The following SASS6 variants were observed in gnomAD, a reference collection of about 807,000 sequenced individuals.
The protein encoded by SASS6 is SAS-6 centriolar assembly protein, also known as spindle assembly abnormal protein 6 homolog.
Under a neutral mutation model 94.9 loss-of-function variants are expected in SASS6, and 59 were observed. The ratio of observed to expected loss-of-function variants is 0.62; its 90% CI spans 0.50 to 0.77. SASS6 has a LOEUF of 0.77. Among genes scored for constraint, SASS6 ranks in the 30% least tolerant of loss-of-function variants. The pLI, the probability that SASS6 is intolerant of heterozygous loss-of-function variation, is 0.00. For synonymous variants in SASS6, 264 were observed against 270.0 expected (o/e 0.98, Z 0.22); for missense variants, 698 against 734.1 (o/e 0.95, Z 0.57).
chr1:100,121,478 G>A lies in SASS6; in HGVS notation c.383C>T (p.Thr128Ile), dbSNP rs1654188538. 2 of 1,596,804 alleles carry A rather than the reference G, an allele frequency of 1.3e-6. No individual in the cohort carries two copies. The highest frequency in any genetic ancestry group is 1.7e-6 in the Non-Finnish European group (2 of 1,167,160). ...GTGTGTAAGATGCTTAAAAGGATTT[G>A]TCTCTACCACATTTAAAAATGCAGG... The part of the protein sequence containing the change: ...NSPAFLNVVE[T>I]NPFKHLTHLS... The change falls in exon 5 of 17, where the codon ACA becomes ATA. Residue 128 changes from threonine (T) to isoleucine (I), a missense_variant. Transcript: ENST00000287482.
chr1:100,095,649 T>C (rs1011923211), intron 14 of SASS6, among the ~76,000 whole-genome samples: 7 of 152,214 alleles, frequency 4.6e-5, no homozygotes, highest in African/African-American at 7.2e-5. Flanking sequence ...TCAGATGACA[T>C]AACTGTCTAT....
At chr1:100,121,326 A>G in intron 5 of SASS6, 52 bp downstream of exon 5, 1 of 1,072,132 alleles carries the variant, frequency 9.3e-7, no homozygotes, top group South Asian at 1.6e-5. Context: ...TAATTTATCA[A>G]AGACCATTGA....
intron 14 of SASS6, among the ~76,000 whole-genome samples, chr1:100,093,068 A>G (rs1024331163): frequency 4.6e-5 from 7 of 152,166 alleles, no homozygotes; most frequent in Non-Finnish European, 1.0e-4. Flanking sequence ...CACACTACGA[A>G]AAGTATGTAT....
intron 14 of SASS6, among the ~76,000 whole-genome samples, chr1:100,102,724 T>TAAAC (rs1652595180): frequency 1.3e-5 from 2 of 151,528 alleles, no homozygotes; most frequent in Admixed American, 6.6e-5. Context: ...AAGTGAGGTT[T>TAAAC]AAACAGACTG....
At position 100,121,466 on chromosome 1, in the gene SASS6, T is replaced by G; in HGVS notation, c.395A>C (p.Lys132Thr). The stretch of plus-strand genomic sequence containing the variant: ...TTTTAGTGAGAGGTGTGTAAGATGC[T>G]TAAAAGGATTTGTCTCTACCACATT... ...FLNVVETNPF[K>T]HLTHLSLKLL... Residue 132 changes from lysine to threonine, a missense_variant, in exon 5 of 17, where the codon AAG (lysine) becomes ACG (threonine). By Grantham distance (78) the Lys-to-Thr change is moderately conservative (BLOSUM62 -1). Coordinates refer to ENST00000287482, the MANE Select transcript of SASS6 (RefSeq NM_194292.3). 1 of 1,598,306 alleles carries G rather than the reference T, an allele frequency of 6.3e-7. No homozygotes were observed. Among genetic ancestry groups the G allele is most frequent in the Non-Finnish European group, 8.6e-7 (1 of 1,168,242 alleles).
chr1:100,128,057 G>C (rs1229334632), intron 1 of SASS6, among the ~76,000 whole-genome samples: 3 of 151,482 alleles, frequency 2.0e-5, no homozygotes, highest in African/African-American at 7.3e-5. Flanking sequence ...TTATTTTTGA[G>C]ACAGAGTTTC....
Position 100,132,914 on chromosome 1 carries a change from G to T in SASS6, c.-100C>A. On this transcript the variant is annotated 5_prime_UTR_variant, in exon 1 of 17. Coordinates refer to ENST00000287482, the MANE Select transcript of SASS6 (RefSeq NM_194292.3). Reference sequence around the variant, plus strand: ...GGTCCTGATAAAGTTTGAGTTTGGCGCTCGGCTTCTGCGGAGGAGGCGGGG... The same window carrying T: ...GGTCCTGATAAAGTTTGAGTTTGGCTCTCGGCTTCTGCGGAGGAGGCGGGG... The T allele has an allele frequency of 8.2e-7, 1 of 1,216,220 alleles. No individual in the cohort carries two copies. The allele number at this position is 1,216,220 out of a possible 1,614,324, so 75.3% of individuals were successfully genotyped here.
chr1:100,125,393 G>A (rs187240030), intron 2 of SASS6, among the ~76,000 whole-genome samples: 2 of 151,532 alleles, frequency 1.3e-5, no homozygotes, highest in Admixed American at 1.3e-4. Flanking sequence ...AGAAATATAT[G>A]GTATAGGCCG....
chr1:100,089,825 A>T lies in SASS6; in HGVS notation c.1675-1589T>A, dbSNP rs148381601. ...TCTACATAAAGGAAAAAAGTGTGTA[A>T]ATAGTAATGTATGGGTTAACCAAGG... is the stretch of plus-strand genomic sequence containing the variant. On this transcript the variant is annotated intron_variant, in intron 14 of 16. Coordinates refer to ENST00000287482, the MANE Select transcript of SASS6 (RefSeq NM_194292.3). Among the ~76,000 whole-genome samples, 112 of 152,196 alleles carry T rather than the reference A, an allele frequency of 7.4e-4. 1 individual carries two copies. The highest frequency in any genetic ancestry group is 2.6e-3 in the African/African-American group (109 of 41,576).
At position 100,104,098 on chromosome 1, in the gene SASS6, T is replaced by C. The variant is rs561464310; in HGVS notation, c.1546-1015A>G. On this transcript the variant is annotated intron_variant, in intron 13 of 16. Transcript: ENST00000287482. ...TGGGAAATGGGGATAAATGTATGAC[T>C]GGGTATCTGAATAAATCCTATCTAA... is the stretch of plus-strand genomic sequence containing the variant. Among the ~76,000 whole-genome samples, 18 of 152,314 alleles carry C rather than the reference T, an allele frequency of 1.2e-4. No homozygotes were observed. The South Asian group carries it at 3.5e-3, about 30-fold the overall frequency.
intron 1 of SASS6, among the ~76,000 whole-genome samples, chr1:100,132,462 G>A (rs1014557711): frequency 6.6e-6 from 1 of 152,122 alleles, no homozygotes; most frequent in Non-Finnish European, 1.5e-5. Flanking sequence ...TGTCAAAAGG[G>A]AAGAGTAGGG....
At chr1:100,091,042 C>T (rs1353552923) in intron 14 of SASS6, among the ~76,000 whole-genome samples, 3 of 152,076 alleles carry the variant, frequency 2.0e-5, no homozygotes, top group Non-Finnish European at 2.9e-5. Context: ...TGGTGGCTCA[C>T]GCATGTGATC....
At chr1:100,099,951 A>G (rs1030335416) in intron 14 of SASS6, among the ~76,000 whole-genome samples, 2 of 152,164 alleles carry the variant, frequency 1.3e-5, no homozygotes, top group Non-Finnish European at 2.9e-5. Flanking sequence ...CTCCTTGATG[A>G]AAGTTTGACC....
In SASS6 at chr1:100,083,690, G is replaced by C. The variant is rs1336049725; in HGVS notation, c.*1638C>G. 1 of 151,978 alleles carries C rather than the reference G, an allele frequency of 6.6e-6. No individual in the cohort carries two copies. 9.4% of individuals were successfully genotyped at this position (151,978 alleles called of 1,614,324 possible). A position where few individuals can be genotyped will look rare whatever the true frequency, so the allele number is the denominator to read the frequency against. ...CACTGCAAAACAATTGCAACTAAAA[G>C]TTTAGGAGGTAAAGAATTAGCACAC... On this transcript the variant is annotated 3_prime_UTR_variant, in exon 17 of 17. Transcript: ENST00000287482.
intron 14 of SASS6, among the ~76,000 whole-genome samples, chr1:100,089,413 C>A (rs1225721370): frequency 1.3e-5 from 2 of 151,868 alleles, no homozygotes; most frequent in Non-Finnish European, 2.9e-5. Flanking sequence ...CATGAAAACC[C>A]CAATTAAACA....
Position 100,132,888 on chromosome 1 carries a change from G to A in SASS6, c.-74C>T, listed in dbSNP as rs1035843110. On this transcript the variant is annotated 5_prime_UTR_variant, in exon 1 of 17. Coordinates refer to ENST00000287482, the MANE Select transcript of SASS6 (RefSeq NM_194292.3). ...CCCTCGGGATTAGCCTGAGAGGTCC[G>A]GGTCCTGATAAAGTTTGAGTTTGGC... 22 of 1,386,164 alleles carry A rather than the reference G, an allele frequency of 1.6e-5. No individual in the cohort carries two copies. In the African/African-American group the frequency reaches 1.9e-4, roughly 12 times the overall value. The allele number at this position is 1,386,164 out of a possible 1,614,324, so 85.9% of individuals were successfully genotyped here. A position where few individuals can be genotyped will look rare whatever the true frequency, so the allele number is the denominator to read the frequency against.
At chr1:100,096,389 A>G (rs964129507) in intron 14 of SASS6, among the ~76,000 whole-genome samples, 2 of 152,216 alleles carry the variant, frequency 1.3e-5, no homozygotes, top group Non-Finnish European at 2.9e-5. Flanking sequence ...AAATTATTTC[A>G]AAATGGATCA....
Position 100,107,002 on chromosome 1 carries a change from T to A in SASS6, c.1327-9A>T. ...TCTTGTAATTTGCATACCTGAAATA[T>A]ATCAATCATCACAATAAGTCAAGCA... On this transcript the variant is annotated splice_polypyrimidine_tract_variant and intron_variant, in intron 11 of 16. Coordinates refer to ENST00000287482, the MANE Select transcript of SASS6 (RefSeq NM_194292.3). 1 of 1,163,708 alleles carries A rather than the reference T, an allele frequency of 8.6e-7. No homozygotes were observed. Among genetic ancestry groups the A allele is most frequent in the Non-Finnish European group, 1.3e-6 (1 of 779,422 alleles). 72.1% of individuals were successfully genotyped at this position (1,163,708 alleles called of 1,614,324 possible).
intron 1 of SASS6, among the ~76,000 whole-genome samples, chr1:100,132,047 T>C (rs2101701459): frequency 6.6e-6 from 1 of 152,310 alleles, no homozygotes. Context: ...ACCACCTCCT[T>C]AATCAAAGTT....
Sources: gnomAD v4.1 joint callset for allele counts (sites outside exome capture counted in the v4.1 genomes callset) on GRCh38, gnomAD v4.1.1 for gene constraint, MANE v1.5 for transcripts, NCBI Gene and HGNC (gene_info 2026-07-23, HGNC 2026-07-21) for gene names.